RABGAP1L: variants seen among roughly 807,000 people sequenced by gnomAD.
RABGAP1L encodes rab GTPase-activating protein 1-like.
Under a neutral mutation model 137.7 loss-of-function variants are expected in RABGAP1L, and 63 were observed. That is an observed-to-expected ratio of 0.46 (90% CI 0.37 to 0.56). The LOEUF (loss-of-function observed/expected upper bound fraction) is 0.56. Among genes scored for constraint, RABGAP1L ranks in the 20% least tolerant of loss-of-function variants. RABGAP1L has a pLI of 0.00. For synonymous variants in RABGAP1L, 431 were observed against 433.7 expected, an observed-to-expected ratio of 0.99 and a Z score of 0.08; for missense variants, 1,095 against 1,244.0, an observed-to-expected ratio of 0.88 and a Z score of 1.80.
At position 174,702,124 on chromosome 1, in the gene RABGAP1L, G is replaced by A. The variant is rs1225703541; in HGVS notation, c.2037G>A (p.Pro679=). The A allele has an allele frequency of 1.9e-6, 3 of 1,609,688 alleles. No homozygotes were observed. The highest frequency in any genetic ancestry group is 1.7e-5 in the Admixed American group (1 of 59,110). Residue 679 remains proline (P), a synonymous_variant, in exon 17 of 26, where the codon CCG becomes CCA. Transcript: ENST00000681986. ...QLERLMQEQL[P]DLHSHFSDLN... ...ACTTTGACTTTTAGGAACAGCTACC[G>A]GACCTGCATAGCCATTTTTCTGATC...
At chr1:174,385,612 A>T (rs541454860) in intron 12 of RABGAP1L, among the ~76,000 whole-genome samples, 1 of 152,312 alleles carries the variant, frequency 6.6e-6, no homozygotes, top group African/African-American at 2.4e-5. Context: ...CGACCACTCC[A>T]GTGTTTGGGA....
rs184131337 is a variant in RABGAP1L at position 174,849,861 on chromosome 1, A to G, written c.2340+37901A>G. 74 of 561,402 alleles carry G rather than the reference A, an allele frequency of 1.3e-4. 1 individual carries two copies. Among genetic ancestry groups the G allele is most frequent in the South Asian group, 5.7e-4 (41 of 72,546 alleles). The allele number at this position is 561,402 out of a possible 1,614,324, so 34.8% of individuals were successfully genotyped here. On this transcript the variant is annotated intron_variant, in intron 19 of 25. Coordinates refer to ENST00000681986, the MANE Select transcript of RABGAP1L (RefSeq NM_001366446.1). ...TTTGGGAATGATCTTAATATTTATC[A>G]TATTAAAGTGATGGCCAAAAGGCAA... is the stretch of plus-strand genomic sequence containing the variant.
intron 10 of RABGAP1L, among the ~76,000 whole-genome samples, chr1:174,301,130 G>A (rs1308668728): frequency 6.6e-6 from 1 of 151,978 alleles, no homozygotes; most frequent in East Asian, 2.0e-4. Context: ...GGTGGGGTGT[G>A]AGCAAGCAAG....
chr1:174,231,283 C>A lies in RABGAP1L; in HGVS notation c.470C>A (p.Thr157Asn). 3 of 1,614,172 alleles carry A rather than the reference C, an allele frequency of 1.9e-6. No individual in the cohort carries two copies. The highest frequency in any genetic ancestry group is 2.5e-6 in the Non-Finnish European group (3 of 1,180,024). The change falls in exon 4 of 26, where the codon ACC becomes AAC. Residue 157 changes from threonine to asparagine, a missense_variant. This residue lies in a region of RABGAP1L where 356 missense variants were observed against 326.3 expected (regional missense o/e 1.09). Transcript: ENST00000681986. Reference sequence around the variant, plus strand: ...GTAGAGGCTTTACGGGCAATGGCAACCATGAAATCTTCCAGTCAATACCCC... The same window carrying A: ...GTAGAGGCTTTACGGGCAATGGCAAACATGAAATCTTCCAGTCAATACCCC... ...NEVEALRAMA[T>N]MKSSSQYPFP...
intron 7 of RABGAP1L, among the ~76,000 whole-genome samples, chr1:174,254,300 A>C (rs1160241265): frequency 6.6e-6 from 1 of 152,110 alleles, no homozygotes; most frequent in African/African-American, 2.4e-5. Flanking sequence ...ACATCTCTGA[A>C]ATTGTAGTTT....
chr1:174,708,645 C>T (rs1176886138), intron 17 of RABGAP1L, among the ~76,000 whole-genome samples: 2 of 152,344 alleles, frequency 1.3e-5, no homozygotes, highest in South Asian at 2.1e-4. Flanking sequence ...GTCTTCGCAA[C>T]CTACAGACCA....
chr1:174,872,910 A>G (rs1376411318), intron 19 of RABGAP1L, among the ~76,000 whole-genome samples: 1 of 152,110 alleles, frequency 6.6e-6, no homozygotes, highest in Non-Finnish European at 1.5e-5. Flanking sequence ...TGAGTCATGT[A>G]TACTTTGTGA....
chr1:174,765,680 G>A (rs1015204000), intron 18 of RABGAP1L, among the ~76,000 whole-genome samples: 2 of 151,730 alleles, frequency 1.3e-5, no homozygotes, highest in African/African-American at 4.8e-5. Context: ...GCTGGGTATT[G>A]CCTCCCATTC....
chr1:174,780,227 G>A (rs1007563442), intron 18 of RABGAP1L, among the ~76,000 whole-genome samples: 2 of 151,972 alleles, frequency 1.3e-5, no homozygotes, highest in African/African-American at 4.8e-5. Context: ...ACTGACTCCT[G>A]AATATTGAAA....
intron 19 of RABGAP1L, among the ~76,000 whole-genome samples, chr1:174,838,087 C>T (rs761711853): frequency 5.9e-5 from 9 of 152,178 alleles, no homozygotes; most frequent in Non-Finnish European, 1.3e-4. Flanking sequence ...AGGCTAAGTT[C>T]TCATGCCTTT....
intron 11 of RABGAP1L, among the ~76,000 whole-genome samples, chr1:174,362,116 AT>A (rs1346520390): frequency 6.6e-6 from 1 of 151,746 alleles, no homozygotes; most frequent in Admixed American, 6.6e-5. Flanking sequence ...ACATGATCTC[AT>A]TTTTTTTATG....
intron 13 of RABGAP1L, among the ~76,000 whole-genome samples, chr1:174,504,195 A>G (rs957789431): frequency 6.6e-6 from 1 of 151,288 alleles, no homozygotes; most frequent in Non-Finnish European, 1.5e-5. Context: ...CTTGTCTCCA[A>G]CTCTTGAGCT....
chr1:174,647,471 G>GT (rs1289907787), intron 14 of RABGAP1L, among the ~76,000 whole-genome samples: 1 of 152,030 alleles, frequency 6.6e-6, no homozygotes, highest in African/African-American at 2.4e-5. Flanking sequence ...TAATCATGTG[G>GT]TTTTTGTCAT....
intron 13 of RABGAP1L, among the ~76,000 whole-genome samples, chr1:174,598,300 C>T (rs1362863542): frequency 1.4e-5 from 2 of 141,334 alleles, no homozygotes; most frequent in Non-Finnish European, 3.0e-5. Flanking sequence ...TGCACTCCAG[C>T]CTGGCAGCAG....
intron 19 of RABGAP1L, among the ~76,000 whole-genome samples, chr1:174,919,019 C>CTT (rs778211199): frequency 8.2e-5 from 11 of 134,756 alleles, no homozygotes; most frequent in South Asian, 7.3e-4. Flanking sequence ...TGTCTTTTTT[C>CTT]TTTTTTTTTT....
chr1:174,522,021 G>T (rs570313756), intron 13 of RABGAP1L, among the ~76,000 whole-genome samples: 1 of 152,180 alleles, frequency 6.6e-6, no homozygotes, highest in African/African-American at 2.4e-5. Flanking sequence ...GGAGGTTGCA[G>T]TTAGCTGAGA....
intron 4 of RABGAP1L, among the ~76,000 whole-genome samples, chr1:174,238,515 G>C (rs2148540576): frequency 6.6e-6 from 1 of 152,170 alleles, no homozygotes; most frequent in South Asian, 2.1e-4. Flanking sequence ...AGGTCTGTTG[G>C]AATACCCTGC....
In RABGAP1L at chr1:174,869,804, C is replaced by T. The variant is rs376559276; in HGVS notation, c.2340+57844C>T. ...GATTAGTGCCCTTATAAAAAAAACT[C>T]CAAGGAGACCCCTTCCTCATTCTAC... On this transcript the variant is annotated intron_variant, in intron 19 of 25. Coordinates refer to ENST00000681986, the MANE Select transcript of RABGAP1L (RefSeq NM_001366446.1). Among the ~76,000 whole-genome samples the T allele has an allele frequency of 2.0e-5, 3 of 152,062 alleles. No individual in the cohort carries two copies. In the South Asian group the frequency reaches 6.2e-4, roughly 32 times the overall value.
At chr1:174,587,678 C>A (rs564245138) in intron 13 of RABGAP1L, among the ~76,000 whole-genome samples, 87 of 151,998 alleles carry the variant, frequency 5.7e-4, no homozygotes, top group African/African-American at 2.0e-3. Context: ...CCATCAGGGT[C>A]AAGACACTTT....
Sources: gnomAD v4.1 joint callset for allele counts (sites outside exome capture counted in the v4.1 genomes callset) on GRCh38, gnomAD v4.1.1 for gene constraint, gnomAD v4.1.1 regional missense constraint, MANE v1.5 for transcripts, NCBI Gene and HGNC (gene_info 2026-07-23, HGNC 2026-07-21) for gene names.